The following THAP4 variants were observed in gnomAD, a reference collection of about 807,000 sequenced individuals.
THAP4 encodes THAP domain containing 4, also known as peroxynitrite isomerase THAP4.
Under a neutral mutation model 48.1 loss-of-function variants are expected in THAP4, and 18 were observed. The observed-to-expected ratio is 0.37, with a 90% CI of 0.26 to 0.56. The LOEUF (loss-of-function observed/expected upper bound fraction) is 0.56, where lower values mean the gene tolerates loss of function less well. THAP4 is among the 20% of genes least tolerant of loss of function. THAP4 has a pLI of 0.78. For synonymous variants in THAP4, 345 were observed against 324.9 expected (o/e 1.06, Z -0.66); for missense variants, 656 against 774.9 (o/e 0.85, Z 1.82).
chr2:241,606,040 A>T (rs1412665682), intron 3 of THAP4, among the ~76,000 whole-genome samples: 1 of 152,138 alleles, frequency 6.6e-6, no homozygotes, highest in Non-Finnish European at 1.5e-5. Context: ...ACATAAATTA[A>T]GTACATGCAT....
At chr2:241,620,377 G>A (rs1364649882) in intron 2 of THAP4, among the ~76,000 whole-genome samples, 2 of 122,696 alleles carry the variant, frequency 1.6e-5, no homozygotes, top group Non-Finnish European at 1.7e-5. Context: ...TGAGGGGTGA[G>A]GGGTGAGTGA....
rs1163291864 is a variant in THAP4 at position 241,610,649 on chromosome 2, C to T, written c.1241-4176G>A. Among the ~76,000 whole-genome samples the T allele has an allele frequency of 8.5e-5, 13 of 152,114 alleles. No homozygotes were observed. Among genetic ancestry groups the T allele is most frequent in the Non-Finnish European group, 1.8e-4 (12 of 68,008 alleles). ...CCCCTCATCTACTTGGCAGACGCCTCTCACCGGCAGCCTCTGCCTCCCCCT... is the reference window on the plus strand; with the variant it reads ...CCCCTCATCTACTTGGCAGACGCCTTTCACCGGCAGCCTCTGCCTCCCCCT... On this transcript the variant is annotated intron_variant, in intron 2 of 5. Coordinates refer to ENST00000407315, the MANE Select transcript of THAP4 (RefSeq NM_015963.6). The surrounding 1 kb of genome is among the most constrained non-coding windows in gnomAD (Gnocchi z 4.2).
At chr2:241,594,308 G>T (rs1196942032) in intron 5 of THAP4, among the ~76,000 whole-genome samples, 1 of 152,170 alleles carries the variant, frequency 6.6e-6, no homozygotes, top group Non-Finnish European at 1.5e-5. Flanking sequence ...TTCTGGCCAG[G>T]GGTTGTGGCT....
Position 241,633,441 on chromosome 2 carries a change from C to T in THAP4, c.716G>A (p.Ser239Asn). The change falls in exon 2 of 6, where the codon AGT becomes AAT. Residue 239 changes from serine to asparagine, a missense_variant. Ser to Asn is a conservative substitution (Grantham distance 46). Transcript: ENST00000407315. The surrounding 1 kb of genome is among the most constrained non-coding windows in gnomAD (Gnocchi z 7.5). Reference protein sequence around the residue: ...CKFIGSLHSYSFSSKHTRERP... With the variant: ...CKFIGSLHSYNFSSKHTRERP... ...TTCTCGGGTGTGCTTAGAGGAGAAA[C>T]TGTACGAATGAAGTGAGCCGATAAA... The T allele has an allele frequency of 6.2e-7, 1 of 1,613,970 alleles. No homozygotes were observed. The highest frequency in any genetic ancestry group is 8.5e-7 in the Non-Finnish European group (1 of 1,180,010).
rs71430365 is a variant in THAP4 at position 241,591,004 on chromosome 2, A to C, written c.1615-6279T>G. On this transcript the variant is annotated intron_variant, in intron 5 of 5. Transcript: ENST00000407315. ...CACTCAGAGCTGCTCGGCTGACAAT[A>C]ATGGGCACTAGGACACACAGAACTG... 1.3e-3 allele frequency among the ~76,000 whole-genome samples: 88 copies of C among 68,578 alleles called. 1 individual carries two copies. The highest frequency in any genetic ancestry group is 0.016 in the Middle Eastern group (2 of 128). 45.0% of individuals were successfully genotyped at this position (68,578 alleles called of 152,430 possible).
In THAP4 at chr2:241,634,065, T is replaced by C; in HGVS notation, c.92A>G (p.Asp31Gly). 6.3e-7 allele frequency: 1 copy of C among 1,583,964 alleles called. No homozygotes were observed. The highest frequency in any genetic ancestry group is 1.1e-5 in the South Asian group (1 of 87,584). Reference protein sequence around the residue: ...AVSFHRFPLKDSKRLIQWLKA... With the variant: ...AVSFHRFPLKGSKRLIQWLKA... ...TAACCATTGGATTAGACGTTTTGAG[T>C]CCTTTAGGGGGAACCTACAGGACAA... Residue 31 changes from aspartate (D) to glycine (G), a missense_variant, in exon 2 of 6, where the codon GAC (aspartate) becomes GGC (glycine). This residue lies in a region of THAP4 where 59 missense variants were observed against 45.8 expected (regional missense o/e 1.29). Transcript: ENST00000407315.
intron 5 of THAP4, 177 bp from the exon 6 acceptor site, chr2:241,584,902 C>T: frequency 1.4e-6 from 1 of 709,120 alleles, no homozygotes; most frequent in Non-Finnish European, 2.4e-6. Context: ...TCCAGGTGCC[C>T]TTCAGCTGCC....
At position 241,612,521 on chromosome 2, in the gene THAP4, C is replaced by T. The variant is rs531804667; in HGVS notation, c.1241-6048G>A. 3.3e-5 allele frequency among the ~76,000 whole-genome samples: 5 copies of T among 152,222 alleles called. No homozygotes were observed. The highest frequency in any genetic ancestry group is 7.3e-5 in the Non-Finnish European group (5 of 68,042). ...CCCAACAGCCCCAAAGTGGAAACAA[C>T]ACAGATGTCCGTCAACCAATGAGTA... is the stretch of plus-strand genomic sequence containing the variant. On this transcript the variant is annotated intron_variant, in intron 2 of 5. Coordinates refer to ENST00000407315, the MANE Select transcript of THAP4 (RefSeq NM_015963.6). The surrounding 1 kb of genome is among the most constrained non-coding windows in gnomAD (Gnocchi z 4.1).
At chr2:241,609,795 A>AT (rs2067240611) in intron 2 of THAP4, among the ~76,000 whole-genome samples, 1 of 150,540 alleles carries the variant, frequency 6.6e-6, no homozygotes, top group Admixed American at 6.6e-5. Flanking sequence ...AAAAAAAAAA[A>AT]GAAAGAAAGA....
chr2:241,620,325 C>CA (rs2067411448), intron 2 of THAP4, among the ~76,000 whole-genome samples: 1 of 39,474 alleles, frequency 2.5e-5, no homozygotes, highest in Non-Finnish European at 4.5e-5. Context: ...GTGAGTGAGT[C>CA]GGTGAGTGAG....
chr2:241,610,041 G>T lies in THAP4; in HGVS notation c.1241-3568C>A, dbSNP rs1395768720. ...CGGGGCCGCGATCTCCACCCCTCAC[G>T]CCCGAGTCCCCGGCACGGCCACCAC... is the stretch of plus-strand genomic sequence containing the variant. On this transcript the variant is annotated intron_variant, in intron 2 of 5. Transcript: ENST00000407315. The surrounding 1 kb of genome is among the most constrained non-coding windows in gnomAD (Gnocchi z 4.2). Among the ~76,000 whole-genome samples, 1 of 152,142 alleles carries T rather than the reference G, an allele frequency of 6.6e-6. No individual in the cohort carries two copies. Among genetic ancestry groups the T allele is most frequent in the Non-Finnish European group, 1.5e-5 (1 of 68,002 alleles).
chr2:241,627,928 A>G (rs1273865566), intron 2 of THAP4, among the ~76,000 whole-genome samples: 2 of 151,570 alleles, frequency 1.3e-5, no homozygotes, highest in African/African-American at 4.9e-5. Context: ...AGCCCTCCCC[A>G]CTGACACACT....
intron 3 of THAP4, among the ~76,000 whole-genome samples, chr2:241,603,711 G>A (rs780067337): frequency 2.0e-5 from 3 of 152,200 alleles, no homozygotes; most frequent in Non-Finnish European, 4.4e-5. Flanking sequence ...CTATGCTCTT[G>A]TGTAAGAATC....
chr2:241,589,070 G>A (rs186420035), intron 5 of THAP4, among the ~76,000 whole-genome samples: 2 of 152,092 alleles, frequency 1.3e-5, no homozygotes, highest in African/African-American at 2.4e-5. Context: ...AAAATTAGCC[G>A]GCCATGGTGG....
At chr2:241,636,897 G>C (rs781382087) in intron 1 of THAP4, 44 bp downstream of exon 1, 3 of 1,127,314 alleles carry the variant, frequency 2.7e-6, no homozygotes, top group Middle Eastern at 3.8e-4. Context: ...TTTCCCCGCA[G>C]GGCCGGGTCG....
chr2:241,630,966 G>A lies in THAP4; in HGVS notation c.1240+1951C>T, dbSNP rs562912110. On this transcript the variant is annotated intron_variant, in intron 2 of 5. Coordinates refer to ENST00000407315, the MANE Select transcript of THAP4 (RefSeq NM_015963.6). ...GCTTGAACCCAGGAGGCAGAGGTTG[G>A]AGAACTGCTTGAACCCGGGAGGCAG... Among the ~76,000 whole-genome samples, 9 of 152,112 alleles carry A rather than the reference G, an allele frequency of 5.9e-5. No individual in the cohort carries two copies. The East Asian group carries it at 1.5e-3, about 26-fold the overall frequency.
intron 5 of THAP4, among the ~76,000 whole-genome samples, chr2:241,588,711 G>A (rs111992599): frequency 0.011 from 1,709 of 152,282 alleles, 32 homozygotes; most frequent in African/African-American, 0.039. Context: ...TGCTGGAAAC[G>A]AGGTATCTGT....
At position 241,633,764 on chromosome 2, in the gene THAP4, C is replaced by G. The variant is rs191058185; in HGVS notation, c.393G>C (p.Ser131=). Residue 131 remains serine, a synonymous_variant, in exon 2 of 6, where the codon TCG becomes TCC. Coordinates refer to ENST00000407315, the MANE Select transcript of THAP4 (RefSeq NM_015963.6). The surrounding 1 kb of genome is among the most constrained non-coding windows in gnomAD (Gnocchi z 7.5). ...CTGGCTTGGCCATCGGGTTTCCACT[C>G]GAGGACGGTGACCAACCTGCAGCTC... is the stretch of plus-strand genomic sequence containing the variant. ...SRGAAGWSPS[S]SGNPMAKPES... 1.9e-6 allele frequency: 3 copies of G among 1,613,234 alleles called. No individual in the cohort carries two copies. The highest frequency in any genetic ancestry group is 2.5e-6 in the Non-Finnish European group (3 of 1,179,396).
chr2:241,637,374 G>C (rs1009564508), upstream of THAP4: 5 of 1,385,946 alleles, frequency 3.6e-6, no homozygotes, highest in Admixed American at 4.7e-5. Flanking sequence ...CAAGATGGCT[G>C]CTCGGACGGG....
Sources: allele counts gnomAD v4.1 joint callset (sites outside exome capture counted in the v4.1 genomes callset), GRCh38; gene constraint gnomAD v4.1.1; regional missense constraint gnomAD v4.1.1; non-coding constraint Gnocchi (gnomAD v3.1); transcripts MANE v1.5; gene names NCBI Gene and HGNC (gene_info 2026-07-23, HGNC 2026-07-21).